CNTNAP2: variants seen among roughly 807,000 people sequenced by gnomAD.
The protein encoded by CNTNAP2 is contactin associated protein 2.
Under a neutral mutation model 155.2 loss-of-function variants are expected in CNTNAP2, and 98 were observed. The ratio of observed to expected loss-of-function variants is 0.63; its 90% CI spans 0.54 to 0.75. The LOEUF is 0.75. CNTNAP2 is among the 30% of genes least tolerant of loss of function. The probability of loss-of-function intolerance (pLI) is 0.00; values close to 1 mark genes in which losing one functional copy is unlikely to be tolerated. For synonymous variants in CNTNAP2, 651 were observed against 631.2 expected (o/e 1.03, Z -0.47); for missense variants, 1,727 against 1,688.1 (o/e 1.02, Z -0.40).
intron 22 of CNTNAP2, among the ~76,000 whole-genome samples, chr7:148,401,571 G>T (rs1799582817): frequency 6.6e-6 from 1 of 151,838 alleles, no homozygotes; most frequent in African/African-American, 2.4e-5. Context: ...CAAAATCTGA[G>T]CATATATTAA....
intron 13 of CNTNAP2, among the ~76,000 whole-genome samples, chr7:147,852,761 T>C (rs1292901293): frequency 1.3e-5 from 2 of 152,190 alleles, no homozygotes; most frequent in African/African-American, 4.8e-5. Context: ...GTCCTTGACA[T>C]TGTGAGTGAC....
chr7:147,571,131 T>C (rs1800281010), intron 12 of CNTNAP2, among the ~76,000 whole-genome samples: 1 of 152,110 alleles, frequency 6.6e-6, no homozygotes, highest in Non-Finnish European at 1.5e-5. Context: ...TTTTTTATTA[T>C]TATTATACTT....
chr7:146,823,338 TCC>T (rs1803330588), intron 2 of CNTNAP2, among the ~76,000 whole-genome samples: 51 of 147,742 alleles, frequency 3.5e-4, no homozygotes, highest in East Asian at 6.4e-4. Flanking sequence ...TCAGTATATT[TCC>T]ATGTAAATAT....
At chr7:148,141,945 T>A (rs1171224878) in intron 16 of CNTNAP2, among the ~76,000 whole-genome samples, 2 of 151,748 alleles carry the variant, frequency 1.3e-5, no homozygotes, top group African/African-American at 4.8e-5. Flanking sequence ...CTAAGAGGAG[T>A]GGAAATAGAT....
chr7:147,477,656 A>T (rs1201023701), intron 10 of CNTNAP2, among the ~76,000 whole-genome samples: 1 of 152,206 alleles, frequency 6.6e-6, no homozygotes, highest in South Asian at 2.1e-4. Flanking sequence ...AAACCATTCA[A>T]TTAGGGGTGA....
chr7:146,151,047 T>C (rs1221796607), intron 1 of CNTNAP2, among the ~76,000 whole-genome samples: 1 of 151,982 alleles, frequency 6.6e-6, no homozygotes, highest in Non-Finnish European at 1.5e-5. Context: ...GAAGGAGAAG[T>C]GTGTGAGAGT....
At chr7:146,627,839 G>A (rs1374971907) in intron 1 of CNTNAP2, among the ~76,000 whole-genome samples, 3 of 151,964 alleles carry the variant, frequency 2.0e-5, no homozygotes, top group African/African-American at 7.2e-5. Flanking sequence ...CACCAAAATG[G>A]AAAAAATAAT....
At chr7:147,482,752 A>C (rs911105000) in intron 10 of CNTNAP2, among the ~76,000 whole-genome samples, 2 of 136,902 alleles carry the variant, frequency 1.5e-5, no homozygotes, top group Non-Finnish European at 3.1e-5. Context: ...ATAAATAAAT[A>C]AATAAATAAT....
At chr7:147,973,900 C>T (rs1385895172) in intron 14 of CNTNAP2, among the ~76,000 whole-genome samples, 1 of 152,094 alleles carries the variant, frequency 6.6e-6, no homozygotes, top group Non-Finnish European at 1.5e-5. Context: ...TGTACATTAT[C>T]TCACTTAATG....
chr7:147,314,458 T>C (rs1237720791), intron 9 of CNTNAP2, among the ~76,000 whole-genome samples: 2 of 142,752 alleles, frequency 1.4e-5, no homozygotes, highest in East Asian at 3.9e-4. Context: ...CATTCCTCTG[T>C]AGAACTTAAT....
intron 21 of CNTNAP2, among the ~76,000 whole-genome samples, chr7:148,297,528 G>C (rs1408461496): frequency 6.6e-6 from 1 of 152,226 alleles, no homozygotes; most frequent in East Asian, 1.9e-4. Flanking sequence ...ATCTCAGTAA[G>C]AGGATGCTGG....
intron 10 of CNTNAP2, among the ~76,000 whole-genome samples, chr7:147,444,404 AT>A (rs1261397199): frequency 3.9e-5 from 6 of 152,028 alleles, no homozygotes; most frequent in Non-Finnish European, 7.3e-5. Flanking sequence ...CAGTGAAAAT[AT>A]TTCATAAAAT....
chr7:147,430,184 C>T (rs1216193457), intron 10 of CNTNAP2, among the ~76,000 whole-genome samples: 1 of 152,164 alleles, frequency 6.6e-6, no homozygotes. Context: ...CCTCTCAACT[C>T]ACCATGAGCC....
intron 1 of CNTNAP2, among the ~76,000 whole-genome samples, chr7:146,693,346 A>T (rs916887368): frequency 6.6e-6 from 1 of 152,108 alleles, no homozygotes; most frequent in African/African-American, 2.4e-5. Flanking sequence ...CCAAAAAAAA[A>T]TCTGCAAGCA....
intron 3 of CNTNAP2, chr7:146,915,875 G>C (rs558742564): frequency 7.9e-5 from 12 of 152,240 alleles, no homozygotes; most frequent in Admixed American, 7.2e-4. Context: ...AGTGGTGAAA[G>C]TGGGCATCCT....
At chr7:146,414,531 A>G (rs762875145) in intron 1 of CNTNAP2, among the ~76,000 whole-genome samples, 4 of 152,166 alleles carry the variant, frequency 2.6e-5, no homozygotes, top group Non-Finnish European at 4.4e-5. Context: ...CTATTTCTCC[A>G]TAGTCCTGGC....
chr7:147,369,094 T>C (rs747459487), intron 9 of CNTNAP2, among the ~76,000 whole-genome samples: 1 of 151,876 alleles, frequency 6.6e-6, no homozygotes, highest in Non-Finnish European at 1.5e-5. Flanking sequence ...TGGGAGACTT[T>C]GAATACTTTC....
At chr7:148,104,396 C>T (rs1470006957) in intron 15 of CNTNAP2, among the ~76,000 whole-genome samples, 1 of 152,158 alleles carries the variant, frequency 6.6e-6, no homozygotes, top group Non-Finnish European at 1.5e-5. Flanking sequence ...ATTTTACTCA[C>T]CTGATGGATT....
chr7:146,798,408 C>A (rs986715037), intron 2 of CNTNAP2, among the ~76,000 whole-genome samples: 2 of 152,108 alleles, frequency 1.3e-5, no homozygotes, highest in East Asian at 3.9e-4. Flanking sequence ...GTGGTGTGAT[C>A]TTGGCTCACT....
Sources: gnomAD v4.1 joint callset for allele counts (sites outside exome capture counted in the v4.1 genomes callset) on GRCh38, gnomAD v4.1.1 for gene constraint, MANE v1.5 for transcripts, NCBI Gene and HGNC (gene_info 2026-07-23, HGNC 2026-07-21) for gene names.